MGAT4C: variants seen among roughly 807,000 people sequenced by gnomAD.
MGAT4C encodes alpha-1,3-mannosyl-glycoprotein 4-beta-N-acetylglucosaminyltransferase C.
A neutral mutation model predicts 40.1 loss-of-function variants in MGAT4C; 19 were observed. The observed-to-expected ratio is 0.47, with a 90% confidence interval of 0.33 to 0.70. MGAT4C has a LOEUF of 0.70. Ranked by LOEUF, MGAT4C falls within the 30% of genes least tolerant of loss-of-function variation. MGAT4C has a pLI of 0.02. For missense variants in MGAT4C, 491 were observed against 563.2 expected, an observed-to-expected ratio of 0.87 and a Z score of 1.30; for synonymous variants, 181 against 187.1, an observed-to-expected ratio of 0.97 and a Z score of 0.27.
intron 2 of MGAT4C, among the ~76,000 whole-genome samples, chr12:86,659,911 C>G (rs1963939478): frequency 6.6e-6 from 1 of 151,022 alleles, no homozygotes; most frequent in Admixed American, 6.6e-5. Flanking sequence ...TCTCTATAAA[C>G]TGCAAGAGCA....
At position 85,965,091 on chromosome 12, in the gene MGAT4C, A is replaced by T. The variant is rs1424381048; in HGVS notation, c.*14198T>A. 1 of 152,084 alleles carries T rather than the reference A, an allele frequency of 6.6e-6. No homozygotes were observed. Among genetic ancestry groups the T allele is most frequent in the South Asian group, 2.1e-4 (1 of 4,818 alleles). 9.4% of individuals were successfully genotyped at this position (152,084 alleles called of 1,614,324 possible). ...CTTCTGTAGGCACATTTCCTTTCCA[A>T]TTAGAGTGAGGTGTTGAATATTTAT... On this transcript the variant is annotated 3_prime_UTR_variant, in exon 5 of 5. Transcript: ENST00000611864.
chr12:86,116,730 T>C (rs999701445), intron 1 of MGAT4C, among the ~76,000 whole-genome samples: 1 of 152,078 alleles, frequency 6.6e-6, no homozygotes, highest in African/African-American at 2.4e-5. Context: ...TGTAATCCAA[T>C]TGTATTCATT....
At chr12:86,616,223 A>G (rs887547792) in intron 2 of MGAT4C, among the ~76,000 whole-genome samples, 2 of 152,040 alleles carry the variant, frequency 1.3e-5, no homozygotes, top group Non-Finnish European at 2.9e-5. Context: ...CAATTTCTAC[A>G]TGTAGTTATA....
chr12:86,537,918 C>T (rs1309300052), intron 2 of MGAT4C, among the ~76,000 whole-genome samples: 1 of 152,066 alleles, frequency 6.6e-6, no homozygotes, highest in Non-Finnish European at 1.5e-5. Context: ...AAAACCCCGT[C>T]TCTACTAAAA....
At chr12:86,491,196 A>C (rs1478303913) in intron 2 of MGAT4C, among the ~76,000 whole-genome samples, 2 of 152,164 alleles carry the variant, frequency 1.3e-5, no homozygotes, top group Non-Finnish European at 2.9e-5. Flanking sequence ...ATGGATTCAC[A>C]GCCGAATGCT....
At chr12:86,814,516 T>A (rs1159188897) in intron 1 of MGAT4C, among the ~76,000 whole-genome samples, 1 of 151,590 alleles carries the variant, frequency 6.6e-6, no homozygotes, top group Non-Finnish European at 1.5e-5. Context: ...CCAATGCTCT[T>A]ATATTAATTC....
intron 1 of MGAT4C, among the ~76,000 whole-genome samples, chr12:86,736,142 T>C (rs1950982109): frequency 6.6e-6 from 1 of 151,828 alleles, no homozygotes; most frequent in African/African-American, 2.4e-5. Flanking sequence ...ACCTAGCTTC[T>C]CCATTCTTCT....
chr12:86,352,415 T>C (rs1450673400), intron 3 of MGAT4C, among the ~76,000 whole-genome samples: 1 of 152,142 alleles, frequency 6.6e-6, no homozygotes, highest in African/African-American at 2.4e-5. Context: ...CCCATCATCA[T>C]CTGCTAGCAC....
At chr12:86,375,243 C>T (rs1366761707) in intron 3 of MGAT4C, among the ~76,000 whole-genome samples, 1 of 152,076 alleles carries the variant, frequency 6.6e-6, no homozygotes, top group African/African-American at 2.4e-5. Context: ...AAGAATAGTT[C>T]ACTCAAGGTT....
chr12:86,088,996 A>T (rs1872409979), intron 1 of MGAT4C, among the ~76,000 whole-genome samples: 1 of 151,932 alleles, frequency 6.6e-6, no homozygotes, highest in African/African-American at 2.4e-5. Context: ...CATATGTTTC[A>T]TGTTTGCTGA....
intron 4 of MGAT4C, among the ~76,000 whole-genome samples, chr12:86,277,254 T>C (rs188151418): frequency 6.6e-6 from 1 of 152,278 alleles, no homozygotes; most frequent in Admixed American, 6.5e-5. Flanking sequence ...CTTTTGCCCA[T>C]TTTTGATTAT....
intron 1 of MGAT4C, among the ~76,000 whole-genome samples, chr12:86,161,221 C>G (rs908136461): frequency 6.6e-6 from 1 of 151,958 alleles, no homozygotes; most frequent in African/African-American, 2.4e-5. Context: ...AGAAAAAGAA[C>G]AAAACTTCAG....
At chr12:86,795,059 TATA>T (rs1213196624) in intron 1 of MGAT4C, among the ~76,000 whole-genome samples, 2 of 152,022 alleles carry the variant, frequency 1.3e-5, no homozygotes, top group Non-Finnish European at 2.9e-5. Context: ...ACTAATTTAT[TATA>T]ATAATTTGCA....
intron 1 of MGAT4C, among the ~76,000 whole-genome samples, chr12:86,097,679 A>T (rs1187471793): frequency 6.6e-6 from 1 of 151,600 alleles, no homozygotes; most frequent in Non-Finnish European, 1.5e-5. Context: ...TGTATTGAGG[A>T]AAGAAACTAC....
At chr12:86,668,469 G>A (rs1407793313) in intron 2 of MGAT4C, among the ~76,000 whole-genome samples, 1 of 152,176 alleles carries the variant, frequency 6.6e-6, no homozygotes, top group African/African-American at 2.4e-5. Flanking sequence ...AGGTAACTTG[G>A]GAGAGGGATG....
At chr12:86,157,924 C>A (rs941663021) in intron 1 of MGAT4C, among the ~76,000 whole-genome samples, 1 of 152,110 alleles carries the variant, frequency 6.6e-6, no homozygotes, top group African/African-American at 2.4e-5. Context: ...AACCATATCA[C>A]CCCTCTATGA....
chr12:86,702,108 AC>A (rs996203726), intron 2 of MGAT4C, among the ~76,000 whole-genome samples: 7 of 151,836 alleles, frequency 4.6e-5, no homozygotes, highest in African/African-American at 1.7e-4. Flanking sequence ...TACAGCCTCA[AC>A]CCCCTGGGCT....
At chr12:86,609,558 A>ATCTATCATACGTGTGTGT (rs1431464425) in intron 2 of MGAT4C, among the ~76,000 whole-genome samples, 2 of 152,102 alleles carry the variant, frequency 1.3e-5, no homozygotes, top group African/African-American at 4.8e-5. Context: ...AGAAGAATAA[A>ATCTATCATACGTGTGTGT]GTGTCTGGTT....
chr12:86,811,631 C>A (rs575586383), intron 1 of MGAT4C, among the ~76,000 whole-genome samples: 1 of 151,318 alleles, frequency 6.6e-6, no homozygotes, highest in African/African-American at 2.4e-5. Flanking sequence ...CATGACCCAA[C>A]GTGCCCAGCC....
Sources: gnomAD v4.1 joint callset for allele counts (sites outside exome capture counted in the v4.1 genomes callset) on GRCh38, gnomAD v4.1.1 for gene constraint, MANE v1.5 for transcripts, NCBI Gene and HGNC (gene_info 2026-07-23, HGNC 2026-07-21) for gene names.